The following GPC6 variants were observed in gnomAD, a reference collection of about 807,000 sequenced individuals.
The protein encoded by GPC6 is glypican-6.
Under a neutral mutation model 55.2 loss-of-function variants are expected in GPC6, and 14 were observed. The observed-to-expected ratio is 0.25, with a 90% CI of 0.17 to 0.40. GPC6 has a LOEUF of 0.40. Among genes scored for constraint, GPC6 ranks in the 10% least tolerant of loss-of-function variants. GPC6 has a pLI of 1.00. For synonymous variants in GPC6, 278 were observed against 259.6 expected, an observed-to-expected ratio of 1.07 and a Z score of -0.68; for missense variants, 641 against 708.5, an observed-to-expected ratio of 0.90 and a Z score of 1.08.
intron 5 of GPC6, among the ~76,000 whole-genome samples, chr13:94,300,692 A>T (rs1594145891): frequency 6.6e-6 from 1 of 152,124 alleles, no homozygotes; most frequent in Non-Finnish European, 1.5e-5. Flanking sequence ...TACTTTCCCG[A>T]ATTATCTAAT....
chr13:93,364,861 A>T (rs903933111), intron 1 of GPC6, among the ~76,000 whole-genome samples: 4 of 151,892 alleles, frequency 2.6e-5, no homozygotes, highest in South Asian at 2.1e-4. Context: ...GTTTCTCTGA[A>T]GCACTCCATA....
chr13:93,880,983 G>A (rs571936978), intron 3 of GPC6, among the ~76,000 whole-genome samples: 1 of 151,576 alleles, frequency 6.6e-6, no homozygotes, highest in Admixed American at 6.6e-5. Flanking sequence ...AAAAATCCAC[G>A]GCTCTCTAAC....
At chr13:94,294,870 T>G (rs1012706114) in intron 5 of GPC6, among the ~76,000 whole-genome samples, 4 of 152,226 alleles carry the variant, frequency 2.6e-5, no homozygotes, top group African/African-American at 9.6e-5. Flanking sequence ...ATTTTTGTGC[T>G]TACTTTCTCC....
chr13:93,255,324 T>G (rs1425983404), intron 1 of GPC6, among the ~76,000 whole-genome samples: 2 of 152,210 alleles, frequency 1.3e-5, no homozygotes, highest in African/African-American at 4.8e-5. Flanking sequence ...CCTTAAAGAT[T>G]TATCTTCTTT....
chr13:94,042,092 A>G (rs1883559407), intron 4 of GPC6, among the ~76,000 whole-genome samples: 1 of 151,824 alleles, frequency 6.6e-6, no homozygotes, highest in African/African-American at 2.4e-5. Flanking sequence ...TACTGTCGTC[A>G]TGATAGTGAG....
chr13:94,170,942 C>G (rs190027379), intron 4 of GPC6, among the ~76,000 whole-genome samples: 1 of 152,146 alleles, frequency 6.6e-6, no homozygotes, highest in African/African-American at 2.4e-5. Context: ...GGAAATAAAT[C>G]TAGGATGTTC....
chr13:93,289,192 A>G (rs1248866229), intron 1 of GPC6, among the ~76,000 whole-genome samples: 3 of 152,190 alleles, frequency 2.0e-5, no homozygotes, highest in Non-Finnish European at 4.4e-5. Flanking sequence ...TAACACTGCA[A>G]CGTCTTTAAT....
At chr13:94,098,344 G>C (rs1318027376) in intron 4 of GPC6, among the ~76,000 whole-genome samples, 1 of 151,848 alleles carries the variant, frequency 6.6e-6, no homozygotes, top group Non-Finnish European at 1.5e-5. Context: ...GACCAATACT[G>C]TTACTTTCCT....
At chr13:94,205,773 A>G (rs1175878277) in intron 4 of GPC6, among the ~76,000 whole-genome samples, 5 of 152,210 alleles carry the variant, frequency 3.3e-5, no homozygotes, top group South Asian at 2.1e-4. Context: ...TTCTTTCATT[A>G]AAGAGTATTT....
intron 2 of GPC6, among the ~76,000 whole-genome samples, chr13:93,690,476 A>G (rs897515978): frequency 5.3e-5 from 8 of 151,932 alleles, no homozygotes; most frequent in African/African-American, 1.9e-4. Context: ...TTTGATTTTT[A>G]TGGCCTCTCA....
At chr13:93,219,764 T>C in the GPC6 span, among the ~76,000 whole-genome samples, 369 of 152,324 alleles carry the variant, frequency 2.4e-3, 1 homozygote, top group South Asian at 9.1e-3. Flanking sequence ...TATATCATCA[T>C]AGATAGCAAG....
intron 1 of GPC6, among the ~76,000 whole-genome samples, chr13:93,444,478 G>A (rs530354555): frequency 3.3e-5 from 5 of 152,074 alleles, no homozygotes; most frequent in Admixed American, 6.5e-5. Flanking sequence ...GTGGTGGCAT[G>A]AGCCTGTAGT....
chr13:93,337,120 T>C (rs1039755035), intron 1 of GPC6, among the ~76,000 whole-genome samples: 4 of 152,314 alleles, frequency 2.6e-5, no homozygotes, highest in Admixed American at 1.3e-4. Context: ...AATGGTAAAA[T>C]TCTTCAATTA....
At chr13:93,302,677 T>C (rs971193936) in intron 1 of GPC6, among the ~76,000 whole-genome samples, 5 of 152,224 alleles carry the variant, frequency 3.3e-5, no homozygotes, top group Admixed American at 2.6e-4. Flanking sequence ...GAATCCACTT[T>C]TCAGTGTAGG....
chr13:94,301,743 A>G (rs904340815), intron 5 of GPC6, among the ~76,000 whole-genome samples: 43 of 152,252 alleles, frequency 2.8e-4, no homozygotes, highest in Admixed American at 5.2e-4. Flanking sequence ...ACCTATATAT[A>G]CTTGTCCTTG....
Position 94,403,351 on chromosome 13 carries a change from A to G in GPC6, c.*134A>G, listed in dbSNP as rs187678452. 709 of 727,672 alleles carry G rather than the reference A, an allele frequency of 9.7e-4. No individual in the cohort carries two copies. Among genetic ancestry groups the G allele is most frequent in the Non-Finnish European group, 1.5e-3 (616 of 410,050 alleles). 45.1% of individuals were successfully genotyped at this position (727,672 alleles called of 1,614,324 possible). A position where few individuals can be genotyped will look rare whatever the true frequency, so the allele number is the denominator to read the frequency against. ...TCTATGAGAAGAGAGCAGTAATGCAATCTGCCTCCCTTTTTGTTTTCCCAA... is the reference window on the plus strand; with the variant it reads ...TCTATGAGAAGAGAGCAGTAATGCAGTCTGCCTCCCTTTTTGTTTTCCCAA... On this transcript the variant is annotated 3_prime_UTR_variant, in exon 9 of 9. Transcript: ENST00000377047.
intron 3 of GPC6, among the ~76,000 whole-genome samples, chr13:93,853,869 A>C (rs2139016238): frequency 6.6e-6 from 1 of 151,864 alleles, no homozygotes; most frequent in South Asian, 2.1e-4. Context: ...ACACTATTAA[A>C]ATTCACAAAA....
rs999999312 is a variant in GPC6, at chr13:94,404,591, C to G, written c.*1374C>G. ...TTTATTAAAAATTTGCCAGGGCACA[C>G]CCTTCTGCATGAGTGTGCTTCAGCC... On this transcript the variant is annotated 3_prime_UTR_variant, in exon 9 of 9. Transcript: ENST00000377047. The G allele has an allele frequency of 1.8e-4, 28 of 152,192 alleles. No individual in the cohort carries two copies. The highest frequency in any genetic ancestry group is 5.1e-4 in the African/African-American group (21 of 41,448). The allele number at this position is 152,192 out of a possible 1,614,324, so 9.4% of individuals were successfully genotyped here. A position where few individuals can be genotyped will look rare whatever the true frequency, so the allele number is the denominator to read the frequency against.
intron 4 of GPC6, among the ~76,000 whole-genome samples, chr13:94,053,336 T>C (rs947930407): frequency 6.6e-6 from 1 of 152,190 alleles, no homozygotes; most frequent in Non-Finnish European, 1.5e-5. Flanking sequence ...GCTAAAACTC[T>C]GGATTAGAGA....
Sources: gnomAD v4.1 joint callset for allele counts (sites outside exome capture counted in the v4.1 genomes callset) on GRCh38, gnomAD v4.1.1 for gene constraint, MANE v1.5 for transcripts, NCBI Gene and HGNC (gene_info 2026-07-23, HGNC 2026-07-21) for gene names.